The following BRD10 variants were observed in gnomAD, a reference collection of about 807,000 sequenced individuals.
BRD10 encodes uncharacterized bromodomain-containing protein 10.
the BRD10 span, chr9:5,899,054 G>T: frequency 2.0e-5 from 3 of 152,180 alleles, no homozygotes; most frequent in Non-Finnish European, 4.4e-5. Context: ...ACAGGTTTCA[G>T]CAATCTTGCT....
chr9:5,908,771 T>C, the BRD10 span: 4 of 1,439,044 alleles, frequency 2.8e-6, no homozygotes, highest in South Asian at 2.3e-5. Context: ...TTGAATTTAA[T>C]ACAGACATCT....
chr9:6,004,316 G>C, the BRD10 span, among the ~76,000 whole-genome samples: 81 of 152,258 alleles, frequency 5.3e-4, no homozygotes, highest in African/African-American at 1.9e-3. Flanking sequence ...TAAGGGCAGG[G>C]AACTTATCTT....
chr9:6,007,775 C>G, the BRD10 span: 3 of 1,556,962 alleles, frequency 1.9e-6, no homozygotes, highest in East Asian at 4.7e-5. Context: ...CCCGGCGTCC[C>G]GGGCACACTC....
the BRD10 span, among the ~76,000 whole-genome samples, chr9:5,999,971 T>C: frequency 6.6e-6 from 1 of 152,224 alleles, no homozygotes; most frequent in Admixed American, 6.5e-5. Flanking sequence ...GTTCAATTTT[T>C]AACTTGTATG....
chr9:5,983,894 A>G, the BRD10 span, among the ~76,000 whole-genome samples: 1 of 151,870 alleles, frequency 6.6e-6, no homozygotes, highest in Non-Finnish European at 1.5e-5. Context: ...ATGCATAGTA[A>G]AACACGTCAT....
the BRD10 span, among the ~76,000 whole-genome samples, chr9:5,905,683 C>A: frequency 7.9e-5 from 12 of 152,208 alleles, no homozygotes; most frequent in African/African-American, 2.7e-4. Flanking sequence ...CTAAAACCCA[C>A]CTGTGACTTG....
At chr9:5,917,707 CT>C in the BRD10 span, among the ~76,000 whole-genome samples, 2 of 152,142 alleles carry the variant, frequency 1.3e-5, no homozygotes, top group Admixed American at 6.6e-5. Flanking sequence ...CAAAAATTAT[CT>C]GGGCTATGGT....
the BRD10 span, chr9:5,892,526 G>A: frequency 4.3e-6 from 7 of 1,613,508 alleles, no homozygotes; most frequent in African/African-American, 1.3e-5. Flanking sequence ...GAAGGGGCAC[G>A]GCCACTCTTA....
chr9:5,918,934 T>C, the BRD10 span: 1 of 152,594 alleles, frequency 6.6e-6, no homozygotes, highest in African/African-American at 2.4e-5. Context: ...CCCTTAATTC[T>C]TTCTTGTAAA....
At chr9:5,951,882 A>G in the BRD10 span, among the ~76,000 whole-genome samples, 1 of 152,126 alleles carries the variant, frequency 6.6e-6, no homozygotes, top group Non-Finnish European at 1.5e-5. Context: ...TTCATATTGT[A>G]AACTAGGCAT....
chr9:5,920,340 G>A, the BRD10 span: 4 of 1,613,820 alleles, frequency 2.5e-6, no homozygotes, highest in Non-Finnish European at 3.4e-6. Flanking sequence ...TGAGTACCAG[G>A]TGCCAAAGGT....
chr9:5,894,982 C>T, the BRD10 span, among the ~76,000 whole-genome samples: 2 of 152,200 alleles, frequency 1.3e-5, no homozygotes, highest in Non-Finnish European at 2.9e-5. This position sits in a 1 kb window ranked among gnomAD's most constrained non-coding sequence, Gnocchi z 4.0. Context: ...ACCTGAATGA[C>T]GTGCATAAGC....
At chr9:5,914,409 G>GTTTTTT in the BRD10 span, among the ~76,000 whole-genome samples, 297 of 106,900 alleles carry the variant, frequency 2.8e-3, 40 homozygotes, top group Non-Finnish European at 3.4e-3. Flanking sequence ...AAATCCAGAT[G>GTTTTTT]GTTTTTTTTT....
the BRD10 span, chr9:6,007,223 G>A: frequency 8.1e-6 from 13 of 1,613,566 alleles, no homozygotes; most frequent in Non-Finnish European, 1.1e-5. Context: ...TTCTGCTCCA[G>A]CATCATCTCC....
At chr9:5,921,624 C>A in the BRD10 span, 8 of 1,613,874 alleles carry the variant, frequency 5.0e-6, no homozygotes, top group Non-Finnish European at 5.9e-6. Flanking sequence ...TTTGTTGCTG[C>A]TGTTGCTTCT....
the BRD10 span, among the ~76,000 whole-genome samples, chr9:5,998,236 GA>G: frequency 6.6e-6 from 1 of 152,102 alleles, no homozygotes; most frequent in African/African-American, 2.4e-5. Flanking sequence ...GGAGACTGGT[GA>G]AAGAGGGAGA....
At chr9:6,001,870 G>A in the BRD10 span, among the ~76,000 whole-genome samples, 7 of 152,146 alleles carry the variant, frequency 4.6e-5, no homozygotes, top group East Asian at 7.7e-4. Context: ...TCATTCATGA[G>A]CTGAACCAAG....
chr9:5,971,150 C>A, the BRD10 span, among the ~76,000 whole-genome samples: 1 of 148,154 alleles, frequency 6.7e-6, no homozygotes, highest in Non-Finnish European at 1.5e-5. Flanking sequence ...AACAAAAGCA[C>A]ATGAAAAGAT....
chr9:6,007,649 C>A, the BRD10 span: 1 of 1,604,512 alleles, frequency 6.2e-7, no homozygotes, highest in Non-Finnish European at 8.5e-7. Flanking sequence ...AGCGAGGAGG[C>A]ACTCCTTCCG....
Sources: allele counts gnomAD v4.1 joint callset (sites outside exome capture counted in the v4.1 genomes callset), GRCh38; gene constraint gnomAD v4.1.1; non-coding constraint Gnocchi (gnomAD v3.1); transcripts MANE v1.5; gene names NCBI Gene and HGNC (gene_info 2026-07-23, HGNC 2026-07-21).